The following SGMS1 variants were observed in gnomAD, a reference collection of about 807,000 sequenced individuals.
The protein encoded by SGMS1 is phosphatidylcholine:ceramide cholinephosphotransferase 1.
SGMS1 carries 13 observed loss-of-function variants against 46.2 expected under a neutral mutation model. The observed-to-expected ratio is 0.28, with a 90% confidence interval of 0.18 to 0.45. SGMS1 has a LOEUF of 0.45. Ranked by LOEUF, SGMS1 falls within the 20% of genes least tolerant of loss-of-function variation. SGMS1 has a pLI of 1.00. For missense variants in SGMS1, 324 were observed against 519.9 expected (o/e 0.62, Z 3.66); for synonymous variants, 203 against 187.8 (o/e 1.08, Z -0.66).
chr10:50,573,444 C>A (rs1325238904), intron 2 of SGMS1, among the ~76,000 whole-genome samples: 1 of 152,064 alleles, frequency 6.6e-6, no homozygotes, highest in East Asian at 1.9e-4. Context: ...ACAGTAGCAC[C>A]AAATAGAATA....
chr10:50,522,928 C>A (rs1345974761), intron 2 of SGMS1, among the ~76,000 whole-genome samples: 1 of 152,166 alleles, frequency 6.6e-6, no homozygotes, highest in Non-Finnish European at 1.5e-5. Context: ...CAGTACCCTG[C>A]CATACAAATC....
chr10:50,408,508 C>T (rs1849053906), intron 6 of SGMS1, among the ~76,000 whole-genome samples: 1 of 151,280 alleles, frequency 6.6e-6, no homozygotes, highest in Non-Finnish European at 1.5e-5. Flanking sequence ...ACGGTGAAAC[C>T]CCATCTCTAC....
chr10:50,372,423 G>A (rs1305778887), intron 6 of SGMS1, among the ~76,000 whole-genome samples: 4 of 152,154 alleles, frequency 2.6e-5, no homozygotes, highest in South Asian at 4.1e-4. Context: ...CCGGGCACAC[G>A]GTGGCTCACG....
intron 6 of SGMS1, chr10:50,417,971 A>C (rs1009201688): frequency 1.3e-5 from 2 of 152,284 alleles, no homozygotes; most frequent in Non-Finnish European, 2.9e-5. Context: ...ACTTCGCCGT[A>C]GTAGAATTGG....
At chr10:50,518,532 T>G (rs373996410) in intron 3 of SGMS1, among the ~76,000 whole-genome samples, 6 of 152,190 alleles carry the variant, frequency 3.9e-5, no homozygotes, top group African/African-American at 1.4e-4. Context: ...GTTCAAGTGA[T>G]TCTCGTGCTT....
At chr10:50,528,231 T>C (rs1396456730) in intron 2 of SGMS1, among the ~76,000 whole-genome samples, 1 of 152,194 alleles carries the variant, frequency 6.6e-6, no homozygotes, top group African/African-American at 2.4e-5. Context: ...TAAATCTGTG[T>C]TTCAAAATGC....
intron 3 of SGMS1, among the ~76,000 whole-genome samples, chr10:50,484,277 A>C (rs181368935): frequency 1.7e-4 from 26 of 152,314 alleles, no homozygotes; most frequent in African/African-American, 6.3e-4. Context: ...CTCTATGCAA[A>C]AAAAATTTAG....
intron 3 of SGMS1, among the ~76,000 whole-genome samples, chr10:50,467,161 TA>T (rs1319858031): frequency 6.6e-6 from 1 of 151,884 alleles, no homozygotes; most frequent in East Asian, 1.9e-4. Flanking sequence ...CCAATGCCAA[TA>T]AAAAAACTGC....
At chr10:50,592,786 AT>A (rs780481933) in intron 1 of SGMS1, among the ~76,000 whole-genome samples, 3 of 152,190 alleles carry the variant, frequency 2.0e-5, no homozygotes, top group Non-Finnish European at 4.4e-5. Context: ...AAAACTTTTC[AT>A]TTAAATGGAT....
intron 6 of SGMS1, among the ~76,000 whole-genome samples, chr10:50,376,035 G>A (rs940067250): frequency 7.2e-5 from 11 of 152,054 alleles, no homozygotes; most frequent in African/African-American, 1.2e-4. Flanking sequence ...TAAGTCAAAG[G>A]TTTGGTCTCA....
Position 50,344,231 on chromosome 10 carries a change from CAG to C in SGMS1, c.-119_-118del. On this transcript the variant is annotated 5_prime_UTR_variant, in exon 7 of 11. It introduces an in-frame stop codon into an upstream open reading frame of the 5' UTR. Coordinates refer to ENST00000361781, the MANE Select transcript of SGMS1 (RefSeq NM_147156.4). ...CGTTCATCCTGTGGGGCCTCATGAG[CAG>C]AGACTTGTTTGGCAAGATGGTCAGG... 7.2e-7 allele frequency: 1 copy of C among 1,384,360 alleles called. No homozygotes were observed. The highest frequency in any genetic ancestry group is 9.6e-7 in the Non-Finnish European group (1 of 1,037,112). 85.8% of individuals were successfully genotyped at this position (1,384,360 alleles called of 1,614,324 possible). A position where few individuals can be genotyped will look rare whatever the true frequency, so the allele number is the denominator to read the frequency against.
At chr10:50,326,596 A>C (rs1200489284) in intron 8 of SGMS1, among the ~76,000 whole-genome samples, 2 of 152,242 alleles carry the variant, frequency 1.3e-5, no homozygotes, top group African/African-American at 4.8e-5. Context: ...TCCAACGATC[A>C]CCCTAGTTAA....
At chr10:50,328,081 T>C (rs1193186363) in intron 7 of SGMS1, 1 of 389,640 alleles carries the variant, frequency 2.6e-6, no homozygotes, top group Non-Finnish European at 4.9e-6. Flanking sequence ...ATTATTAGGT[T>C]CTAACAAAAT....
chr10:50,563,576 T>C (rs966086049), intron 2 of SGMS1, among the ~76,000 whole-genome samples: 7 of 150,714 alleles, frequency 4.6e-5, no homozygotes, highest in Middle Eastern at 3.4e-3. Context: ...ACCCCGTCTC[T>C]ACTAAAAATA....
At chr10:50,436,419 G>A (rs1849474719) in intron 5 of SGMS1, among the ~76,000 whole-genome samples, 1 of 152,174 alleles carries the variant, frequency 6.6e-6, no homozygotes, top group Admixed American at 6.5e-5. Context: ...AAGACACTGT[G>A]CTCAGCAGTG....
In SGMS1 at chr10:50,623,809, G is replaced by A. The variant is rs1171031938; in HGVS notation, c.-786C>T. ...CGTCGGGGCTCCGCACCCCAATCGC[G>A]CTCTCCGACCGGCTCCCTAGGCGCG... On this transcript the variant is annotated 5_prime_UTR_variant, in exon 1 of 11. Coordinates refer to ENST00000361781, the MANE Select transcript of SGMS1 (RefSeq NM_147156.4). The A allele has an allele frequency of 8.1e-6, 8 of 985,268 alleles. No individual in the cohort carries two copies. The highest frequency in any genetic ancestry group is 9.6e-6 in the Non-Finnish European group (8 of 829,946). The allele number at this position is 985,268 out of a possible 1,614,324, so 61.0% of individuals were successfully genotyped here.
intron 2 of SGMS1, among the ~76,000 whole-genome samples, chr10:50,558,511 C>T (rs1023579028): frequency 6.6e-6 from 1 of 152,160 alleles, no homozygotes; most frequent in African/African-American, 2.4e-5. Context: ...ATCTGGCATC[C>T]TTTCCTGATT....
At chr10:50,418,578 G>A (rs1589432243) in intron 6 of SGMS1, 2 of 152,220 alleles carry the variant, frequency 1.3e-5, no homozygotes, top group African/African-American at 4.8e-5. Flanking sequence ...GCCTTTCACA[G>A]CCTTTTCTTT....
At chr10:50,348,062 T>C (rs893389380) in intron 6 of SGMS1, among the ~76,000 whole-genome samples, 4 of 152,122 alleles carry the variant, frequency 2.6e-5, no homozygotes, top group African/African-American at 4.8e-5. Flanking sequence ...CAGTGTGTAA[T>C]GTTCTCCTCC....
Sources: allele counts gnomAD v4.1 joint callset (sites outside exome capture counted in the v4.1 genomes callset), GRCh38; gene constraint gnomAD v4.1.1; transcripts MANE v1.5; gene names NCBI Gene and HGNC (gene_info 2026-07-23, HGNC 2026-07-21).